Variants in DENND1A observed in about 807,000 individuals in gnomAD.
The protein encoded by DENND1A is DENN domain containing 1A.
In DENND1A, 51 loss-of-function variants were observed where a neutral mutation model predicts 113.7. The observed-to-expected ratio is 0.45, with a 90% CI of 0.36 to 0.57. DENND1A has a LOEUF of 0.57. DENND1A is among the 20% of genes least tolerant of loss of function. DENND1A has a pLI of 0.00. For missense variants in DENND1A, 1,258 were observed against 1,395.9 expected, an observed-to-expected ratio of 0.90 and a Z score of 1.57; for synonymous variants, 565 against 570.8, an observed-to-expected ratio of 0.99 and a Z score of 0.14.
chr9:123,562,709 G>A (rs1295597657), intron 12 of DENND1A, among the ~76,000 whole-genome samples: 1 of 152,100 alleles, frequency 6.6e-6, no homozygotes, highest in Non-Finnish European at 1.5e-5. Flanking sequence ...ATTAAAATGA[G>A]GTATTTTTCT....
At chr9:123,429,409 T>G (rs942486987) in intron 19 of DENND1A, among the ~76,000 whole-genome samples, 6 of 151,934 alleles carry the variant, frequency 3.9e-5, no homozygotes, top group African/African-American at 1.5e-4. Flanking sequence ...ATACAAAAAT[T>G]AGCTGAGTAT....
intron 10 of DENND1A, among the ~76,000 whole-genome samples, chr9:123,616,181 C>T (rs1187415260): frequency 2.6e-5 from 4 of 152,196 alleles, no homozygotes; most frequent in Admixed American, 6.5e-5. Context: ...CCACCTGCCT[C>T]GGCCTTCCAA....
At chr9:123,770,059 G>A (rs1335274851) in intron 3 of DENND1A, among the ~76,000 whole-genome samples, 3 of 152,146 alleles carry the variant, frequency 2.0e-5, no homozygotes, top group Non-Finnish European at 4.4e-5. Flanking sequence ...GAAGATAATT[G>A]TCCCTGAACA....
chr9:123,391,885 G>C (rs768633178), intron 21 of DENND1A, among the ~76,000 whole-genome samples: 3 of 152,042 alleles, frequency 2.0e-5, no homozygotes, highest in African/African-American at 4.8e-5. Context: ...GAAAAGGCAG[G>C]TTGCGGCAAA....
At chr9:123,784,535 C>T (rs1831815744) in intron 3 of DENND1A, among the ~76,000 whole-genome samples, 1 of 152,150 alleles carries the variant, frequency 6.6e-6, no homozygotes. Flanking sequence ...ACAGAGACTG[C>T]CTCTCTCAAA....
intron 10 of DENND1A, among the ~76,000 whole-genome samples, chr9:123,611,234 C>A (rs987986990): frequency 2.0e-5 from 3 of 152,094 alleles, no homozygotes; most frequent in Non-Finnish European, 4.4e-5. Flanking sequence ...CTCTTTGCTT[C>A]TAGGGGCAAG....
chr9:123,699,684 CTTT>C, intron 5 of DENND1A, among the ~76,000 whole-genome samples: 1 of 120,770 alleles, frequency 8.3e-6, no homozygotes, highest in African/African-American at 3.5e-5. Context: ...TTCATTCTTT[CTTT>C]CTTTTTTTTT....
chr9:123,798,761 T>A (rs1399377082), intron 2 of DENND1A, among the ~76,000 whole-genome samples: 2 of 150,944 alleles, frequency 1.3e-5, no homozygotes, highest in East Asian at 3.9e-4. Flanking sequence ...CAAAAGGATA[T>A]GTTCACTTAC....
Position 123,391,880 on chromosome 9 carries a change from G to A in DENND1A, c.1632-4022C>T, listed in dbSNP as rs542207306. Reference sequence around the variant, plus strand: ...ACACACAAAGAGCTGTCTGTGAAAAGGCAGGTTGCGGCAAACTTGGCTGCC... The same window carrying A: ...ACACACAAAGAGCTGTCTGTGAAAAAGCAGGTTGCGGCAAACTTGGCTGCC... On this transcript the variant is annotated intron_variant, in intron 21 of 23. Coordinates refer to ENST00000394215, the MANE Select transcript of DENND1A (RefSeq NM_001352964.2). Among the ~76,000 whole-genome samples the A allele has an allele frequency of 1.4e-4, 21 of 151,778 alleles. No individual in the cohort carries two copies. The South Asian group carries it at 4.4e-3, about 32-fold the overall frequency.
At chr9:123,760,865 T>A (rs2070977811) in intron 4 of DENND1A, among the ~76,000 whole-genome samples, 1 of 152,186 alleles carries the variant, frequency 6.6e-6, no homozygotes, top group Non-Finnish European at 1.5e-5. Flanking sequence ...CAGGTCTGGA[T>A]GATTCCAAGT....
At chr9:123,474,906 G>T (rs544828419) in intron 13 of DENND1A, among the ~76,000 whole-genome samples, 5 of 152,330 alleles carry the variant, frequency 3.3e-5, no homozygotes, top group African/African-American at 9.6e-5. Flanking sequence ...AATCTCACTT[G>T]CTCACTGCAT....
chr9:123,776,001 A>G, intron 3 of DENND1A, among the ~76,000 whole-genome samples: 1 of 152,206 alleles, frequency 6.6e-6, no homozygotes, highest in Admixed American at 6.5e-5. Context: ...CCAAAGGACT[A>G]ACAGAACTGG....
At chr9:123,813,515 T>TA (rs149532202) in intron 2 of DENND1A, among the ~76,000 whole-genome samples, 10,035 of 147,412 alleles carry the variant, frequency 0.068, 441 homozygotes, top group African/African-American at 0.13. Flanking sequence ...CCTTCTCATC[T>TA]AAAAAAAAAA....
At chr9:123,594,693 T>A (rs1232961479) in intron 11 of DENND1A, among the ~76,000 whole-genome samples, 1 of 152,134 alleles carries the variant, frequency 6.6e-6, no homozygotes, top group African/African-American at 2.4e-5. Context: ...AGAGATTAAA[T>A]AATTTGCCCG....
At chr9:123,476,482 G>T (rs957137869) in intron 13 of DENND1A, among the ~76,000 whole-genome samples, 13 of 152,134 alleles carry the variant, frequency 8.5e-5, no homozygotes, top group Admixed American at 7.2e-4. Context: ...TTCAGCTTCT[G>T]TACCTGTGTT....
intron 12 of DENND1A, among the ~76,000 whole-genome samples, chr9:123,577,279 T>C (rs1210176073): frequency 6.6e-6 from 1 of 152,156 alleles, no homozygotes; most frequent in Non-Finnish European, 1.5e-5. Context: ...CATAAGTGAT[T>C]TTTTTTTCAT....
At chr9:123,797,981 T>C (rs1834028324) in intron 2 of DENND1A, among the ~76,000 whole-genome samples, 1 of 152,200 alleles carries the variant, frequency 6.6e-6, no homozygotes, top group Non-Finnish European at 1.5e-5. Context: ...TGAACATTTA[T>C]TTGGATTCCA....
chr9:123,904,984 G>A (rs905015495), intron 1 of DENND1A, among the ~76,000 whole-genome samples: 2 of 152,206 alleles, frequency 1.3e-5, no homozygotes, highest in Non-Finnish European at 2.9e-5. Context: ...TCAAAGGGAA[G>A]TCCATCAGAC....
intron 2 of DENND1A, among the ~76,000 whole-genome samples, chr9:123,870,891 T>C (rs1846493405): frequency 6.6e-6 from 1 of 152,134 alleles, no homozygotes. Context: ...TGGGGCATAA[T>C]AAGGACTCAA....
Sources: gnomAD v4.1 joint callset for allele counts (sites outside exome capture counted in the v4.1 genomes callset) on GRCh38, gnomAD v4.1.1 for gene constraint, MANE v1.5 for transcripts, NCBI Gene and HGNC (gene_info 2026-07-23, HGNC 2026-07-21) for gene names.